GPATCH1: variants seen among roughly 807,000 people sequenced by gnomAD.
GPATCH1 encodes the protein G-patch domain containing 1.
GPATCH1 carries 73 observed loss-of-function variants against 114.9 expected under a neutral mutation model. The ratio of observed to expected loss-of-function variants is 0.64; its 90% CI spans 0.53 to 0.77. GPATCH1 has a LOEUF of 0.77. Ranked by LOEUF, GPATCH1 falls within the 30% of genes least tolerant of loss-of-function variation. The probability of loss-of-function intolerance (pLI) is 0.00; values close to 1 mark genes in which losing one functional copy is unlikely to be tolerated. For synonymous variants in GPATCH1, 391 were observed against 428.4 expected (o/e 0.91, Z 1.08); for missense variants, 1,058 against 1,144.3 (o/e 0.92, Z 1.09).
intron 8 of GPATCH1, among the ~76,000 whole-genome samples, chr19:33,100,475 C>T (rs902424599): frequency 1.3e-5 from 2 of 151,126 alleles, no homozygotes; most frequent in African/African-American, 4.9e-5. Flanking sequence ...GTAATGCCAG[C>T]TACTCGGGAG....
At chr19:33,107,077 T>A (rs1023042802) in intron 10 of GPATCH1, among the ~76,000 whole-genome samples, 178 bp downstream of exon 10, 1 of 152,178 alleles carries the variant, frequency 6.6e-6, no homozygotes, top group Admixed American at 6.6e-5. Context: ...TTTACTTCTT[T>A]TTTTAAGTTT....
At chr19:33,081,415 C>A in intron 1 of GPATCH1, 149 bp downstream of exon 1, 1 of 710,324 alleles carries the variant, frequency 1.4e-6, no homozygotes, top group South Asian at 1.7e-5. Flanking sequence ...GCCGCGCTCT[C>A]GGGGTGCTCA....
chr19:33,090,656 G>T (rs898339224), intron 2 of GPATCH1, 124 bp from the exon 3 acceptor site: 4 of 623,834 alleles, frequency 6.4e-6, no homozygotes, highest in Non-Finnish European at 1.2e-5. Context: ...TAAGCACTGA[G>T]ATGGGAAGTA....
chr19:33,105,875 G>A (rs1390973847), intron 9 of GPATCH1, among the ~76,000 whole-genome samples: 2 of 149,778 alleles, frequency 1.3e-5, no homozygotes, highest in Admixed American at 6.7e-5. Flanking sequence ...ACGGAGTCTC[G>A]CTCTGTTTCA....
At position 33,114,376 on chromosome 19, in the gene GPATCH1, T is replaced by G; in HGVS notation, c.2153T>G (p.Val718Gly). 6.2e-7 allele frequency: 1 copy of G among 1,608,452 alleles called. No individual in the cohort carries two copies. Among genetic ancestry groups the G allele is most frequent in the Admixed American group, 1.7e-5 (1 of 57,650 alleles). ...CCTAAACAACAGTCCAGCCCCTTAG[T>G]AAACAAAGAGGAAGAGCATGCACCA... ...EPPKQQSSPLVNKEEEHAPEL... is the reference protein window; with the variant it reads ...EPPKQQSSPLGNKEEEHAPEL... The change falls in exon 15 of 20, where the codon GTA (valine) becomes GGA (glycine). Residue 718 changes from valine (V) to glycine (G), a missense_variant. This residue lies in a region of GPATCH1 where 893 missense variants were observed against 977.4 expected (regional missense o/e 0.91). Transcript: ENST00000170564.
chr19:33,111,256 C>T (rs1425913238), intron 11 of GPATCH1, among the ~76,000 whole-genome samples: 1 of 151,638 alleles, frequency 6.6e-6, no homozygotes, highest in Admixed American at 6.6e-5. Flanking sequence ...TGGTGGCGGA[C>T]GCCTGTAGTC....
At chr19:33,084,806 G>A (rs919938386) in intron 1 of GPATCH1, among the ~76,000 whole-genome samples, 8 of 151,914 alleles carry the variant, frequency 5.3e-5, no homozygotes, top group African/African-American at 1.7e-4. Context: ...GCTTACAGGC[G>A]CATGCCACCA....
rs533127716 is a variant in GPATCH1, at chr19:33,095,342, A to G, written c.554-420A>G. ...ACAATGCGCGATCTCGGCTCACTGC[A>G]ACCTCTGCTTCCCGGTTCAAGCGAT... On this transcript the variant is annotated intron_variant, in intron 5 of 19. Coordinates refer to ENST00000170564, the MANE Select transcript of GPATCH1 (RefSeq NM_018025.3). Among the ~76,000 whole-genome samples, 6 of 143,846 alleles carry G rather than the reference A, an allele frequency of 4.2e-5. No homozygotes were observed. The South Asian group carries it at 1.3e-3, about 32-fold the overall frequency. 94.4% of individuals were successfully genotyped at this position (143,846 alleles called of 152,430 possible). A position where few individuals can be genotyped will look rare whatever the true frequency, so the allele number is the denominator to read the frequency against.
chr19:33,104,101 G>T (rs1355393866), intron 9 of GPATCH1, among the ~76,000 whole-genome samples: 1 of 151,870 alleles, frequency 6.6e-6, no homozygotes, highest in Admixed American at 6.6e-5. Context: ...AGGCCAATGC[G>T]GGCAGATCGC....
At chr19:33,094,369 G>T in intron 5 of GPATCH1, 100 bp downstream of exon 5, 1 of 690,350 alleles carries the variant, frequency 1.4e-6, no homozygotes, top group African/African-American at 1.8e-5. Flanking sequence ...GGAGTGCAGT[G>T]GTGCGATCCC....
intron 9 of GPATCH1, among the ~76,000 whole-genome samples, chr19:33,103,472 G>A (rs1298617429): frequency 1.3e-5 from 2 of 152,114 alleles, no homozygotes; most frequent in African/African-American, 2.4e-5. Context: ...AGGCTGAGGC[G>A]GATGGATCAC....
intron 19 of GPATCH1, among the ~76,000 whole-genome samples, chr19:33,127,151 AT>A (rs1211913107): frequency 6.8e-6 from 1 of 146,516 alleles, no homozygotes; most frequent in Non-Finnish European, 1.5e-5. Context: ...AAAAAAAAAA[AT>A]GTGTGTATTA....
intron 15 of GPATCH1, among the ~76,000 whole-genome samples, chr19:33,116,614 C>A (rs1972918533): frequency 6.6e-6 from 1 of 152,190 alleles, no homozygotes; most frequent in South Asian, 2.1e-4. Flanking sequence ...ACTGCAAGCT[C>A]CACCTCCCAG....
intron 11 of GPATCH1, among the ~76,000 whole-genome samples, chr19:33,111,385 GAAAAAAAAAA>G (rs10709432): frequency 1.1e-5 from 1 of 88,146 alleles, no homozygotes; most frequent in African/African-American, 4.2e-5. Context: ...CTCCATCTCA[GAAAAAAAAAA>G]AAAAAAAAAA....
intron 1 of GPATCH1, among the ~76,000 whole-genome samples, chr19:33,087,339 TG>T (rs1972543688): frequency 6.6e-6 from 1 of 152,226 alleles, no homozygotes; most frequent in South Asian, 2.1e-4. Flanking sequence ...CCATAGTACC[TG>T]GGAGTTTAAA....
chr19:33,107,683 A>G (rs571162804), intron 10 of GPATCH1, among the ~76,000 whole-genome samples: 2 of 152,202 alleles, frequency 1.3e-5, no homozygotes, highest in Admixed American at 6.5e-5. Context: ...GGGGAACTCA[A>G]TAGGTGTCTC....
Position 33,113,750 on chromosome 19 carries a change from CT to C in GPATCH1, c.1893-11del, listed in dbSNP as rs1972884144. On this transcript the variant is annotated splice_polypyrimidine_tract_variant and intron_variant, in intron 13 of 19. Transcript: ENST00000170564. ...CCTACTGGTTGTTACTAAAATGATTCTTTTTTCAATTCCCAGTTCAACTTTA... is the reference window on the plus strand; with the variant it reads ...CCTACTGGTTGTTACTAAAATGATTCTTTTTCAATTCCCAGTTCAACTTTA... 1 of 1,610,828 alleles carries C rather than the reference CT, an allele frequency of 6.2e-7. No individual in the cohort carries two copies. Among genetic ancestry groups the C allele is most frequent in the Non-Finnish European group, 8.5e-7 (1 of 1,177,856 alleles).
At chr19:33,128,046 ATAAG>A (rs1973062669) in intron 19 of GPATCH1, among the ~76,000 whole-genome samples, 2 of 152,028 alleles carry the variant, frequency 1.3e-5, no homozygotes, top group Non-Finnish European at 2.9e-5. Context: ...CATTTTAAAT[ATAAG>A]TAATATAATT....
At position 33,120,587 on chromosome 19, in the gene GPATCH1, G is replaced by A. The variant is rs1467015097; in HGVS notation, c.2521+1470G>A. Among the ~76,000 whole-genome samples, 14 of 148,788 alleles carry A rather than the reference G, an allele frequency of 9.4e-5. No homozygotes were observed. In the East Asian group the frequency reaches 1.0e-3, roughly 11 times the overall value. On this transcript the variant is annotated intron_variant, in intron 17 of 19. Coordinates refer to ENST00000170564, the MANE Select transcript of GPATCH1 (RefSeq NM_018025.3). ...AAAAAAGGTAAAAGAGGCTGGGTGCGGTGGCTCATACTTGTAATAGCAGTT... is the reference window on the plus strand; with the variant it reads ...AAAAAAGGTAAAAGAGGCTGGGTGCAGTGGCTCATACTTGTAATAGCAGTT...
Sources: gnomAD v4.1 joint callset for allele counts (sites outside exome capture counted in the v4.1 genomes callset) on GRCh38, gnomAD v4.1.1 for gene constraint, gnomAD v4.1.1 regional missense constraint, MANE v1.5 for transcripts, NCBI Gene and HGNC (gene_info 2026-07-23, HGNC 2026-07-21) for gene names.